The following ANKRD30B variants were observed in gnomAD, a reference collection of about 807,000 sequenced individuals.
The protein encoded by ANKRD30B is ankyrin repeat domain 30B, also known as ankyrin repeat domain-containing protein 30B.
Under a neutral mutation model 202.2 loss-of-function variants are expected in ANKRD30B, and 144 were observed. That is an observed-to-expected ratio of 0.71 (90% CI 0.62 to 0.82). The LOEUF is 0.82. Ranked by LOEUF, ANKRD30B falls within the 40% of genes least tolerant of loss-of-function variation. ANKRD30B has a pLI of 0.00. For missense variants in ANKRD30B, 1,487 were observed against 1,669.1 expected (o/e 0.89, Z 1.90); for synonymous variants, 508 against 561.3 (o/e 0.91, Z 1.34).
chr18:14,882,168 T>C, the ANKRD30B span, among the ~76,000 whole-genome samples: 1 of 152,182 alleles, frequency 6.6e-6, no homozygotes, highest in African/African-American at 2.4e-5. Context: ...GTTTGGCTTG[T>C]TCCTGCTTCT....
At chr18:14,860,077 C>A in the ANKRD30B span, among the ~76,000 whole-genome samples, 1 of 129,546 alleles carries the variant, frequency 7.7e-6, no homozygotes, top group Non-Finnish European at 1.6e-5. Context: ...ACCTCCCAGA[C>A]AATGGGCGGC....
chr18:14,854,157 C>G (rs555845140), intron 43 of ANKRD30B, among the ~76,000 whole-genome samples, 35 bp from the exon 44 acceptor site: 2 of 151,492 alleles, frequency 1.3e-5, no homozygotes, highest in African/African-American at 2.4e-5. Context: ...AAAACTGTGG[C>G]TATCATTCTG....
the ANKRD30B span, among the ~76,000 whole-genome samples, chr18:14,885,170 G>A: frequency 6.6e-6 from 1 of 152,006 alleles, no homozygotes; most frequent in African/African-American, 2.4e-5. Context: ...CACCTATACT[G>A]ACTGTTAAAT....
intron 16 of ANKRD30B, among the ~76,000 whole-genome samples, chr18:14,795,126 G>T (rs1395631896): frequency 6.6e-6 from 1 of 152,292 alleles, no homozygotes; most frequent in South Asian, 2.1e-4. Context: ...CTCTAACATT[G>T]AAATATGCAG....
chr18:14,940,171 G>T, the ANKRD30B span, among the ~76,000 whole-genome samples: 3 of 152,310 alleles, frequency 2.0e-5, no homozygotes, highest in South Asian at 6.2e-4. Flanking sequence ...GAAGCCCACA[G>T]TGGGTCCCAA....
At chr18:14,834,312 T>TA (rs562467116) in intron 34 of ANKRD30B, among the ~76,000 whole-genome samples, 118 of 151,982 alleles carry the variant, frequency 7.8e-4, no homozygotes, top group African/African-American at 2.7e-3. Context: ...TAATTTTGAT[T>TA]AAAAAAAATC....
At chr18:14,790,917 G>A (rs1442114300) in intron 15 of ANKRD30B, among the ~76,000 whole-genome samples, 2 of 152,064 alleles carry the variant, frequency 1.3e-5, no homozygotes, top group African/African-American at 2.4e-5. Flanking sequence ...AAATGAGTTA[G>A]GGAGGATTCC....
chr18:14,841,650 G>C (rs559238559), intron 37 of ANKRD30B, among the ~76,000 whole-genome samples: 1 of 152,178 alleles, frequency 6.6e-6, no homozygotes, highest in African/African-American at 2.4e-5. Flanking sequence ...GACCACAGAT[G>C]TGGACATTAT....
chr18:14,903,621 C>T, the ANKRD30B span: 1 of 152,210 alleles, frequency 6.6e-6, no homozygotes, highest in Non-Finnish European at 1.5e-5. Flanking sequence ...TCTATGTAGA[C>T]AGAGAACGTT....
intron 16 of ANKRD30B, among the ~76,000 whole-genome samples, chr18:14,794,080 A>G (rs1163826286): frequency 6.6e-6 from 1 of 152,214 alleles, no homozygotes; most frequent in Non-Finnish European, 1.5e-5. Context: ...ATGCACAGCC[A>G]TACATTTCAA....
the ANKRD30B span, among the ~76,000 whole-genome samples, chr18:14,884,749 T>C: frequency 1.3e-5 from 2 of 152,084 alleles, no homozygotes; most frequent in Non-Finnish European, 2.9e-5. Context: ...AAATCAGATG[T>C]TACTGGAAAG....
At chr18:14,910,505 A>C in the ANKRD30B span, among the ~76,000 whole-genome samples, 24 of 150,414 alleles carry the variant, frequency 1.6e-4, no homozygotes, top group African/African-American at 5.8e-4. Context: ...ATATATATAA[A>C]ATTTCTTTAT....
At chr18:14,756,560 C>G (rs1914400388) in intron 4 of ANKRD30B, among the ~76,000 whole-genome samples, 1 of 152,106 alleles carries the variant, frequency 6.6e-6, no homozygotes, top group Non-Finnish European at 1.5e-5. Context: ...AGTCTTTAAT[C>G]CATCCTGAAT....
intron 39 of ANKRD30B, among the ~76,000 whole-genome samples, chr18:14,847,182 G>A (rs182431506): frequency 0.016 from 2,377 of 148,412 alleles, 63 homozygotes; most frequent in African/African-American, 0.056. Context: ...TTGGCTATTA[G>A]GTATAACTCT....
intron 30 of ANKRD30B, among the ~76,000 whole-genome samples, chr18:14,820,552 A>T (rs1211022118): frequency 1.3e-5 from 2 of 152,038 alleles, no homozygotes; most frequent in African/African-American, 4.8e-5. Flanking sequence ...TACCTAATTT[A>T]TTGAGTGTTT....
At chr18:14,919,008 T>C in the ANKRD30B span, among the ~76,000 whole-genome samples, 1 of 152,220 alleles carries the variant, frequency 6.6e-6, no homozygotes. Context: ...CGGATGCTGA[T>C]ACTTTGATCT....
At chr18:14,910,404 A>G in the ANKRD30B span, among the ~76,000 whole-genome samples, 4 of 151,990 alleles carry the variant, frequency 2.6e-5, no homozygotes, top group Admixed American at 2.6e-4. Flanking sequence ...GTTCCTAAAA[A>G]GACATGATTT....
chr18:14,821,574 C>T (rs1338780805), intron 30 of ANKRD30B, among the ~76,000 whole-genome samples: 2 of 152,174 alleles, frequency 1.3e-5, no homozygotes, highest in African/African-American at 4.8e-5. Context: ...TCTCACAGCT[C>T]CGGCTCCCAA....
At position 14,814,666 on chromosome 18, in the gene ANKRD30B, G is replaced by C. The variant is rs777503053; in HGVS notation, c.2596G>C (p.Ala866Pro). 1.1e-4 allele frequency: 123 copies of C among 1,134,084 alleles called. 15 individuals are homozygous for C. The highest frequency in any genetic ancestry group is 8.1e-4 in the South Asian group (57 of 70,336). 70.3% of individuals were successfully genotyped at this position (1,134,084 alleles called of 1,614,324 possible). The change falls in exon 30 of 44, where the codon GCT (alanine) becomes CCT (proline). Residue 866 changes from alanine (A) to proline (P), a missense_variant. Around this residue, in one of 6 missense-constraint regions of ANKRD30B, gnomAD observed 218 missense variants for 320.1 expected, o/e 0.68. Coordinates refer to ENST00000690538, the MANE Select transcript of ANKRD30B (RefSeq NM_001367607.2). ...ACAGAATGATGGGTGTTTACCCAAGGCTACACATCAAAAAGAATTCGATAC... is the reference window on the plus strand; with the variant it reads ...ACAGAATGATGGGTGTTTACCCAAGCCTACACATCAAAAAGAATTCGATAC... ...LLQNDGCLPKATHQKEFDTLS... is the reference protein window; with the variant it reads ...LLQNDGCLPKPTHQKEFDTLS...
Sources: gnomAD v4.1 joint callset for allele counts (sites outside exome capture counted in the v4.1 genomes callset) on GRCh38, gnomAD v4.1.1 for gene constraint, gnomAD v4.1.1 regional missense constraint, MANE v1.5 for transcripts, NCBI Gene and HGNC (gene_info 2026-07-23, HGNC 2026-07-21) for gene names.